WHRN: variants seen among roughly 807,000 people sequenced by gnomAD.
The protein encoded by WHRN is CASK-interacting protein CIP98.
In WHRN, 41 loss-of-function variants were observed where a neutral mutation model predicts 68.3. The observed-to-expected ratio is 0.60, with a 90% CI of 0.47 to 0.78. WHRN has a LOEUF of 0.78. Ranked by LOEUF, WHRN falls within the 30% of genes least tolerant of loss-of-function variation. WHRN has a pLI of 0.00. For missense variants in WHRN, 1,243 were observed against 1,244.7 expected (o/e 1.00, Z 0.02); for synonymous variants, 560 against 561.3 (o/e 1.00, Z 0.03).
In WHRN at chr9:114,450,835, G is replaced by A. The variant is rs552769126; in HGVS notation, c.963+15432C>T. ...GTTATTATTATTAGTTTCCCCCCCC[G>A]CAAAAAAATACTTTCTGCTGAGATA... On this transcript the variant is annotated intron_variant, in intron 3 of 11. Coordinates refer to ENST00000362057, the MANE Select transcript of WHRN (RefSeq NM_015404.4). Among the ~76,000 whole-genome samples the A allele has an allele frequency of 2.7e-3, 372 of 138,214 alleles. 3 individuals are homozygous for A. Among genetic ancestry groups the A allele is most frequent in the African/African-American group, 0.011 (358 of 33,578 alleles). The allele number at this position is 138,214 out of a possible 152,430, so 90.7% of individuals were successfully genotyped here.
rs768045274 is a variant in WHRN, at chr9:114,478,595, C to T, written c.795G>A (p.Arg265=). ...CTTGCAGGAGGTGCAGGGTGCTCCT[C>T]CGGTCACCCTCCTGCTGCCTCAGGG... ...GGALRQQEGD[R]RSTLHLLQGG... is the part of the protein sequence containing the mutation. The change falls in exon 2 of 12, where the codon CGG becomes CGA. Residue 265 remains arginine, a synonymous_variant. Coordinates refer to ENST00000362057, the MANE Select transcript of WHRN (RefSeq NM_015404.4). 1 of 1,614,100 alleles carries T rather than the reference C, an allele frequency of 6.2e-7. No individual in the cohort carries two copies. Among genetic ancestry groups the T allele is most frequent in the South Asian group, 1.1e-5 (1 of 91,084 alleles).
At chr9:114,485,728 G>A (rs1842426393) in intron 1 of WHRN, among the ~76,000 whole-genome samples, 1 of 151,890 alleles carries the variant, frequency 6.6e-6, no homozygotes, top group African/African-American at 2.4e-5. Flanking sequence ...TTGTTGCCTG[G>A]GCACAGCAGC....
At chr9:114,503,191 C>T in intron 1 of WHRN, 2 of 985,560 alleles carry the variant, frequency 2.0e-6, no homozygotes, top group Non-Finnish European at 2.4e-6. Context: ...CCAGCAGGCC[C>T]TCAGCTGGAG....
chr9:114,407,912 G>A (rs1332340938), intron 8 of WHRN, 35 bp downstream of exon 8: 1 of 1,559,816 alleles, frequency 6.4e-7, no homozygotes, highest in Non-Finnish European at 8.7e-7. Context: ...AGCACACCAG[G>A]GAGAGCAGAA....
At chr9:114,464,866 TGTC>T (rs141952953) in intron 3 of WHRN, among the ~76,000 whole-genome samples, 5 of 118,396 alleles carry the variant, frequency 4.2e-5, no homozygotes, top group African/African-American at 2.6e-4. Flanking sequence ...ATGATGATGA[TGTC>T]GTCTGTCTGT....
intron 9 of WHRN, among the ~76,000 whole-genome samples, chr9:114,405,994 A>T (rs933779251): frequency 6.6e-6 from 1 of 152,144 alleles, no homozygotes; most frequent in Non-Finnish European, 1.5e-5. Context: ...GCCATGGCGG[A>T]CAGGAAGGGA....
intron 1 of WHRN, among the ~76,000 whole-genome samples, chr9:114,495,180 T>G (rs1843345213): frequency 6.6e-6 from 1 of 152,168 alleles, no homozygotes; most frequent in Non-Finnish European, 1.5e-5. Context: ...AACACCAGGT[T>G]GAGGAGCTTG....
chr9:114,419,364 T>C (rs1378717506), intron 7 of WHRN, among the ~76,000 whole-genome samples: 1 of 152,220 alleles, frequency 6.6e-6, no homozygotes, highest in African/African-American at 2.4e-5. Flanking sequence ...ACTATTGTTA[T>C]TAATAAAGGC....
intron 1 of WHRN, among the ~76,000 whole-genome samples, chr9:114,499,722 C>G (rs908999418): frequency 1.3e-5 from 2 of 152,236 alleles, no homozygotes; most frequent in African/African-American, 4.8e-5. Flanking sequence ...AGGCTGTGTA[C>G]CGCTGGTGCG....
At chr9:114,414,286 CCT>C (rs1428961327) in intron 7 of WHRN, among the ~76,000 whole-genome samples, 2 of 152,192 alleles carry the variant, frequency 1.3e-5, no homozygotes, top group Admixed American at 1.3e-4. Flanking sequence ...ACTGCTCAAC[CCT>C]GTTATTGCTG....
intron 1 of WHRN, among the ~76,000 whole-genome samples, chr9:114,486,959 GTATATA>G (rs869241280): frequency 0.025 from 121 of 4,826 alleles, 1 homozygote; most frequent in African/African-American, 0.03. Context: ...GTGTGTGTGT[GTATATA>G]TATATATATA....
At chr9:114,474,353 T>C (rs1841478908) in intron 2 of WHRN, among the ~76,000 whole-genome samples, 1 of 152,178 alleles carries the variant, frequency 6.6e-6, no homozygotes, top group South Asian at 2.1e-4. Context: ...ATACCTAGAA[T>C]TGATTTTGCC....
At chr9:114,497,444 G>A (rs1041221578) in intron 1 of WHRN, among the ~76,000 whole-genome samples, 8 of 151,798 alleles carry the variant, frequency 5.3e-5, no homozygotes, top group African/African-American at 1.5e-4. Flanking sequence ...CATATGTGTG[G>A]TTACTGGAAA....
In WHRN at chr9:114,504,813, G is replaced by C. The variant is rs1348212800; in HGVS notation, c.-12C>G. On this transcript the variant is annotated 5_prime_UTR_variant, in exon 1 of 12. Coordinates refer to ENST00000362057, the MANE Select transcript of WHRN (RefSeq NM_015404.4). ...AGCGGCGCGTTCATCTCCACGCCGA[G>C]GCCCGGCCGGGCTCTGAGCGCGCGG... is the stretch of plus-strand genomic sequence containing the variant. 1 of 1,401,336 alleles carries C rather than the reference G, an allele frequency of 7.1e-7. No homozygotes were observed. The highest frequency in any genetic ancestry group is 1.6e-5 in the South Asian group (1 of 61,916). 86.8% of individuals were successfully genotyped at this position (1,401,336 alleles called of 1,614,324 possible).
chr9:114,425,228 A>G (rs1836716688), intron 4 of WHRN: 1 of 704,458 alleles, frequency 1.4e-6, no homozygotes. Context: ...CCTCCCAATC[A>G]GCAGTGTGCA....
chr9:114,426,302 C>A lies in WHRN; in HGVS notation c.1075G>T (p.Val359Phe). The A allele has an allele frequency of 6.2e-7, 1 of 1,613,780 alleles. No homozygotes were observed. Among genetic ancestry groups the A allele is most frequent in the East Asian group, 2.2e-5 (1 of 44,882 alleles). ...SRHLILTVKD[V>F]GRLPHARTTV... ...GTGCGGGCATGGGGCAGCCTCCCGA[C>A]GTCCTTCACTGTCAGGATGAGGTGC... Residue 359 changes from valine (V) to phenylalanine (F), a missense_variant, in exon 4 of 12, where the codon GTC (valine) becomes TTC (phenylalanine). Transcript: ENST00000362057.
chr9:114,468,548 C>T (rs952990154), intron 2 of WHRN, among the ~76,000 whole-genome samples: 5 of 152,156 alleles, frequency 3.3e-5, no homozygotes, highest in African/African-American at 1.2e-4. Flanking sequence ...GCAGACTCTG[C>T]GGTTTGTCAG....
chr9:114,502,003 G>A (rs1843973513), intron 1 of WHRN, among the ~76,000 whole-genome samples: 1 of 152,192 alleles, frequency 6.6e-6, no homozygotes, highest in Non-Finnish European at 1.5e-5. Flanking sequence ...TACACGAGGA[G>A]TGCCATGGCC....
intron 7 of WHRN, among the ~76,000 whole-genome samples, chr9:114,421,968 C>T (rs1334737352): frequency 6.6e-6 from 1 of 152,134 alleles, no homozygotes; most frequent in East Asian, 1.9e-4. Flanking sequence ...GGAATCACCC[C>T]CAGAAACCCA....
Sources: gnomAD v4.1 joint callset for allele counts (sites outside exome capture counted in the v4.1 genomes callset) on GRCh38, gnomAD v4.1.1 for gene constraint, MANE v1.5 for transcripts, NCBI Gene and HGNC (gene_info 2026-07-23, HGNC 2026-07-21) for gene names.